The following MPP3 variants were observed in gnomAD, a reference collection of about 807,000 sequenced individuals.
The protein encoded by MPP3 is MAGUK p55 subfamily member 3.
MPP3 carries 48 observed loss-of-function variants against 80.7 expected under a neutral mutation model. The observed-to-expected ratio is 0.59, with a 90% CI of 0.47 to 0.76. The LOEUF is 0.76. Ranked by LOEUF, MPP3 falls within the 30% of genes least tolerant of loss-of-function variation. The pLI, the probability that MPP3 is intolerant of heterozygous loss-of-function variation, is 0.00. For synonymous variants in MPP3, 311 were observed against 297.6 expected (o/e 1.04, Z -0.46); for missense variants, 620 against 763.0 (o/e 0.81, Z 2.21).
At chr17:43,805,296 C>A (rs554903165) in intron 19 of MPP3, among the ~76,000 whole-genome samples, 1 of 152,262 alleles carries the variant, frequency 6.6e-6, no homozygotes, top group Non-Finnish European at 1.5e-5. Flanking sequence ...ACTAGTAGTG[C>A]TATGATTAAA....
chr17:43,814,534 G>T, intron 14 of MPP3, 173 bp from the exon 15 acceptor site: 1 of 583,852 alleles, frequency 1.7e-6, no homozygotes, highest in Non-Finnish European at 2.9e-6. Context: ...ATAATAAGAT[G>T]AAAGGGTGAC....
Position 43,801,609 on chromosome 17 carries a change from C to T in MPP3, c.*92G>A. 8.0e-7 allele frequency: 1 copy of T among 1,247,458 alleles called. No individual in the cohort carries two copies. Among genetic ancestry groups the T allele is most frequent in the Non-Finnish European group, 1.2e-6 (1 of 864,000 alleles). The allele number at this position is 1,247,458 out of a possible 1,614,324, so 77.3% of individuals were successfully genotyped here. A position where few individuals can be genotyped will look rare whatever the true frequency, so the allele number is the denominator to read the frequency against. The stretch of plus-strand genomic sequence containing the variant: ...GGAATTTGTGGAGAATTCTCTCCCT[C>T]TCTGCGCTTGAGATTCCTTGATGGT... On this transcript the variant is annotated 3_prime_UTR_variant, in exon 20 of 20. Transcript: ENST00000398389.
intron 19 of MPP3, 146 bp from the exon 20 acceptor site, chr17:43,802,023 A>C: frequency 1.4e-6 from 1 of 729,418 alleles, no homozygotes; most frequent in Non-Finnish European, 2.2e-6. Context: ...TGTGTACACA[A>C]GAACAGAGCA....
chr17:43,826,861 G>A (rs1391772491), intron 8 of MPP3, among the ~76,000 whole-genome samples: 3 of 138,550 alleles, frequency 2.2e-5, no homozygotes, highest in Non-Finnish European at 4.5e-5. Context: ...TTTTTGAGAC[G>A]GTCTCACTGC....
intron 11 of MPP3, among the ~76,000 whole-genome samples, chr17:43,819,508 A>G (rs1394613519): frequency 1.3e-5 from 2 of 152,218 alleles, no homozygotes; most frequent in East Asian, 1.9e-4. Context: ...GCCTCCTAAT[A>G]TGAACTCACA....
At chr17:43,827,236 G>A (rs796736363) in intron 8 of MPP3, among the ~76,000 whole-genome samples, 7 of 151,318 alleles carry the variant, frequency 4.6e-5, no homozygotes, top group African/African-American at 1.5e-4. Flanking sequence ...GGCTGGTCTC[G>A]AACTCCCGAC....
chr17:43,807,652 G>A (rs1206397566), intron 19 of MPP3, among the ~76,000 whole-genome samples: 1 of 151,870 alleles, frequency 6.6e-6, no homozygotes, highest in Non-Finnish European at 1.5e-5. Context: ...TTGTATGTAT[G>A]CCATTCTAAA....
At position 43,814,267 on chromosome 17, in the gene MPP3, C is replaced by G; in HGVS notation, c.1104G>C (p.Leu368=). 6.2e-7 allele frequency: 1 copy of G among 1,613,268 alleles called. No homozygotes were observed. The highest frequency in any genetic ancestry group is 8.5e-7 in the Non-Finnish European group (1 of 1,179,986). Reference sequence around the variant, plus strand: ...ACCTGGCCACCTCTTCGTAAGTCAGCAGCTCCGGAGACTCAGCTCCGGAGG... The same window carrying G: ...ACCTGGCCACCTCTTCGTAAGTCAGGAGCTCCGGAGACTCAGCTCCGGAGG... ...KMSSGAESPE[L]LTYEEVARYQ... is the part of the protein sequence containing the mutation. Residue 368 remains leucine (L), a synonymous_variant, in exon 15 of 20, where the codon CTG becomes CTC. Coordinates refer to ENST00000398389, the MANE Select transcript of MPP3 (RefSeq NM_001932.6).
chr17:43,829,609 G>A (rs1181609133), intron 7 of MPP3, 45 bp downstream of exon 7: 5 of 1,604,416 alleles, frequency 3.1e-6, no homozygotes, highest in Non-Finnish European at 3.4e-6. Flanking sequence ...GGGGGTGAGA[G>A]GCAGGGGAAG....
At chr17:43,808,868 A>G in intron 19 of MPP3, 88 bp downstream of exon 19, 4 of 1,441,436 alleles carry the variant, frequency 2.8e-6, no homozygotes, top group Non-Finnish European at 3.7e-6. Context: ...ATCCCTCTTC[A>G]GCTGCAAGCA....
Position 43,825,809 on chromosome 17 carries a change from C to A in MPP3, c.556G>T (p.Val186Leu). Reference sequence around the variant, plus strand: ...TTGTGCAGGACTGCGATCCCGTTCACTTCTCGGAGCTCATCTCCAACGTGG... The same window carrying A: ...TTGTGCAGGACTGCGATCCCGTTCAATTCTCGGAGCTCATCTCCAACGTGG... Reference protein sequence around the residue: ...LVHVGDELREVNGIAVLHKRP... With the variant: ...LVHVGDELRELNGIAVLHKRP... Residue 186 changes from valine to leucine, a missense_variant, in exon 9 of 20, where the codon GTG (valine) becomes TTG (leucine). Physicochemically the swap from Val to Leu is conservative, Grantham distance 32 (BLOSUM62 1). Coordinates refer to ENST00000398389, the MANE Select transcript of MPP3 (RefSeq NM_001932.6). The A allele has an allele frequency of 6.2e-7, 1 of 1,613,316 alleles. No individual in the cohort carries two copies. Among genetic ancestry groups the A allele is most frequent in the Non-Finnish European group, 8.5e-7 (1 of 1,179,202 alleles).
chr17:43,811,843 T>G (rs572850908), intron 16 of MPP3, among the ~76,000 whole-genome samples: 9 of 152,320 alleles, frequency 5.9e-5, no homozygotes, highest in Admixed American at 2.6e-4. Flanking sequence ...TCCACCCGCC[T>G]CAGCCTCCCA....
At chr17:43,823,060 C>T (rs1270045664) in intron 10 of MPP3, among the ~76,000 whole-genome samples, 2 of 152,132 alleles carry the variant, frequency 1.3e-5, no homozygotes, top group African/African-American at 4.8e-5. Context: ...ATAACACACC[C>T]TTAGTCAGAT....
intron 14 of MPP3, 95 bp from the exon 15 acceptor site, chr17:43,814,456 T>A (rs1322237368): frequency 1.5e-6 from 2 of 1,326,882 alleles, no homozygotes; most frequent in Non-Finnish European, 2.0e-6. Flanking sequence ...GACCTGGAGA[T>A]GGGACTGAGT....
Position 43,827,840 on chromosome 17 carries a change from C to A in MPP3, c.442-8G>T. The A allele has an allele frequency of 1.2e-6, 2 of 1,612,980 alleles. No individual in the cohort carries two copies. The highest frequency in any genetic ancestry group is 8.5e-7 in the Non-Finnish European group (1 of 1,179,920). The stretch of plus-strand genomic sequence containing the variant: ...CCGCCGGATGGTGGCACCCTGAACC[C>A]GAGACAGAAGAGACAGGTTCTTAAG... On this transcript the variant is annotated splice_region_variant and splice_polypyrimidine_tract_variant and intron_variant, in intron 7 of 19. Transcript: ENST00000398389.
chr17:43,805,283 C>T (rs533548468), intron 19 of MPP3, among the ~76,000 whole-genome samples: 9 of 152,282 alleles, frequency 5.9e-5, no homozygotes, highest in African/African-American at 2.2e-4. Flanking sequence ...CCACTTCACA[C>T]CTACTAGTAG....
intron 5 of MPP3, 33 bp downstream of exon 5, chr17:43,831,211 G>A (rs1386820821): frequency 1.6e-5 from 26 of 1,605,624 alleles, no homozygotes; most frequent in Non-Finnish European, 2.2e-5. Context: ...TGGGGAGTGG[G>A]GCAGACACTG....
chr17:43,821,352 C>T (rs1393453833), intron 10 of MPP3, among the ~76,000 whole-genome samples: 3 of 152,244 alleles, frequency 2.0e-5, no homozygotes, highest in Non-Finnish European at 4.4e-5. Flanking sequence ...GTCCTCATAA[C>T]AGCCTCTTAG....
intron 18 of MPP3, among the ~76,000 whole-genome samples, chr17:43,810,059 C>T (rs923190811): frequency 6.6e-6 from 1 of 152,142 alleles, no homozygotes; most frequent in Non-Finnish European, 1.5e-5. Flanking sequence ...ATTTTGATCA[C>T]TAACTCCCTG....
Sources: gnomAD v4.1 joint callset for allele counts (sites outside exome capture counted in the v4.1 genomes callset) on GRCh38, gnomAD v4.1.1 for gene constraint, MANE v1.5 for transcripts, NCBI Gene and HGNC (gene_info 2026-07-23, HGNC 2026-07-21) for gene names.